Variants in FARP1 observed in about 807,000 individuals in gnomAD.
FARP1 encodes the protein FERM, ARH/RhoGEF and pleckstrin domain protein 1, also known as FERM, ARHGEF and pleckstrin domain-containing protein 1.
FARP1 carries 52 observed loss-of-function variants against 128.8 expected under a neutral mutation model. The observed-to-expected ratio is 0.40, with a 90% CI of 0.32 to 0.51. FARP1 has a LOEUF of 0.51. Among genes scored for constraint, FARP1 ranks in the 20% least tolerant of loss-of-function variants. The pLI is 0.45. For synonymous variants in FARP1, 580 were observed against 551.8 expected, an observed-to-expected ratio of 1.05 and a Z score of -0.72; for missense variants, 1,333 against 1,367.9, an observed-to-expected ratio of 0.97 and a Z score of 0.40.
At chr13:98,298,319 C>T (rs1202366678) in intron 2 of FARP1, among the ~76,000 whole-genome samples, 1 of 152,180 alleles carries the variant, frequency 6.6e-6, no homozygotes, top group African/African-American at 2.4e-5. Context: ...TACGTTCATT[C>T]GTGTCGCATA....
At chr13:98,347,451 A>G (rs1369283251) in intron 3 of FARP1, among the ~76,000 whole-genome samples, 1 of 152,062 alleles carries the variant, frequency 6.6e-6, no homozygotes, top group Non-Finnish European at 1.5e-5. Flanking sequence ...TCTGTTACTG[A>G]GTCTATCTAC....
intron 12 of FARP1, 78 bp from the exon 13 acceptor site, chr13:98,395,149 T>C: frequency 6.7e-7 from 1 of 1,492,678 alleles, no homozygotes; most frequent in Non-Finnish European, 9.0e-7. Flanking sequence ...TGCCTGGCTC[T>C]CCTTTTCTGT....
At chr13:98,158,841 G>A (rs1351394484) in intron 1 of FARP1, among the ~76,000 whole-genome samples, 7 of 152,214 alleles carry the variant, frequency 4.6e-5, no homozygotes, top group Middle Eastern at 6.8e-3. Context: ...TGTGTCTTCC[G>A]TCTGCGTCAT....
At chr13:98,389,897 T>G (rs753499424) in intron 9 of FARP1, 60 bp from the exon 10 acceptor site, 98 of 1,522,186 alleles carry the variant, frequency 6.4e-5, no homozygotes, top group Non-Finnish European at 8.6e-5. Flanking sequence ...CCTTTTCTCC[T>G]ATTTCAGTGG....
chr13:98,383,084 A>G (rs1889953703), intron 6 of FARP1, among the ~76,000 whole-genome samples: 2 of 152,196 alleles, frequency 1.3e-5, no homozygotes, highest in African/African-American at 4.8e-5. Context: ...CTCACCCCGT[A>G]TTTCCCCTAG....
In FARP1 at chr13:98,240,722, G is replaced by C. The variant is rs4772055; in HGVS notation, c.171+27309G>C. 2.0e-5 allele frequency among the ~76,000 whole-genome samples: 3 copies of C among 152,310 alleles called. No individual in the cohort carries two copies. The East Asian group carries it at 5.8e-4, about 29-fold the overall frequency. The stretch of plus-strand genomic sequence containing the variant: ...ATGAGAATTTCAGTGATTTCAACAC[G>C]AGATCACCATACTGACAAATAACAC... On this transcript the variant is annotated intron_variant, in intron 2 of 26. Transcript: ENST00000319562.
At chr13:98,278,662 T>C (rs9513391) in intron 2 of FARP1, among the ~76,000 whole-genome samples, 1 of 152,196 alleles carries the variant, frequency 6.6e-6, no homozygotes. Context: ...ACCTGCTAGC[T>C]GGGAAAATGG....
chr13:98,395,774 A>G, intron 13 of FARP1: 1 of 414,096 alleles, frequency 2.4e-6, no homozygotes, highest in Non-Finnish European at 4.2e-6. Context: ...ATCACCTTTG[A>G]TATGAGCGGG....
chr13:98,251,763 T>C (rs1013816430), intron 2 of FARP1, among the ~76,000 whole-genome samples: 1 of 152,110 alleles, frequency 6.6e-6, no homozygotes, highest in Non-Finnish European at 1.5e-5. Flanking sequence ...GCATCACCTG[T>C]TGGCATCACG....
chr13:98,257,425 C>T (rs925525845), intron 2 of FARP1, among the ~76,000 whole-genome samples: 5 of 151,664 alleles, frequency 3.3e-5, no homozygotes, highest in East Asian at 1.9e-4. Flanking sequence ...TCATTCTGTA[C>T]GCCCTTCTTT....
chr13:98,148,511 G>A (rs1049469435), intron 1 of FARP1, among the ~76,000 whole-genome samples: 5 of 152,102 alleles, frequency 3.3e-5, no homozygotes, highest in Non-Finnish European at 4.4e-5. Flanking sequence ...CTTAACCTGC[G>A]CCAAATTTGA....
intron 17 of FARP1, among the ~76,000 whole-genome samples, chr13:98,427,105 A>C (rs996078599): frequency 5.9e-5 from 9 of 152,000 alleles, no homozygotes; most frequent in African/African-American, 2.2e-4. Flanking sequence ...GGTGTTGACA[A>C]ATATATAATG....
At chr13:98,407,965 T>G (rs115362598) in intron 13 of FARP1, among the ~76,000 whole-genome samples, 6 of 151,998 alleles carry the variant, frequency 3.9e-5, no homozygotes, top group Non-Finnish European at 1.5e-5. Flanking sequence ...AAAATGGGGG[T>G]GCTCCTAGAA....
intron 24 of FARP1, among the ~76,000 whole-genome samples, chr13:98,441,455 C>T (rs772751001): frequency 1.3e-5 from 2 of 152,338 alleles, no homozygotes; most frequent in Middle Eastern, 3.4e-3. Context: ...AAGAACAGGG[C>T]GCCGTGGGGA....
At chr13:98,193,918 T>C (rs1380526565) in intron 1 of FARP1, among the ~76,000 whole-genome samples, 2 of 152,208 alleles carry the variant, frequency 1.3e-5, no homozygotes, top group Non-Finnish European at 1.5e-5. Flanking sequence ...CATAGTCTTT[T>C]AGCAGTATAT....
Position 98,395,350 on chromosome 13 carries a change from C to T in FARP1, c.1288C>T (p.Pro430Ser). Residue 430 changes from proline (P) to serine (S), a missense_variant, in exon 13 of 27, where the codon CCG becomes TCG. Pro to Ser is a moderately conservative substitution (Grantham distance 74). Around this residue, in one of 2 missense-constraint regions of FARP1, gnomAD observed 1,009 missense variants for 969.8 expected, o/e 1.04. Transcript: ENST00000319562. ...GEPGSHPSPA[P>S]RRSPAGNKQA... ...GCCGGGGTCGCACCCGAGCCCTGCG[C>T]CGAGGAGAAGCCCCGCGGGTAACAA... 6.2e-7 allele frequency: 1 copy of T among 1,611,720 alleles called. No individual in the cohort carries two copies. Among genetic ancestry groups the T allele is most frequent in the Admixed American group, 1.7e-5 (1 of 59,976 alleles).
At chr13:98,386,384 CATA>C (rs1251264413) in intron 8 of FARP1, among the ~76,000 whole-genome samples, 1 of 152,144 alleles carries the variant, frequency 6.6e-6, no homozygotes, top group Non-Finnish European at 1.5e-5. Context: ...TACTTAAAGA[CATA>C]ATGATTCTCT....
At chr13:98,429,557 C>T (rs990601439) in intron 17 of FARP1, among the ~76,000 whole-genome samples, 3 of 152,118 alleles carry the variant, frequency 2.0e-5, no homozygotes, top group Non-Finnish European at 2.9e-5. Flanking sequence ...GACTTGGGGA[C>T]GGGTTCATAC....
intron 24 of FARP1, among the ~76,000 whole-genome samples, chr13:98,443,898 GA>G (rs1288554735): frequency 6.6e-6 from 1 of 152,236 alleles, no homozygotes; most frequent in Non-Finnish European, 1.5e-5. Flanking sequence ...AAGGGACAGT[GA>G]GGCCAGGGAG....
Sources: allele counts gnomAD v4.1 joint callset (sites outside exome capture counted in the v4.1 genomes callset), GRCh38; gene constraint gnomAD v4.1.1; regional missense constraint gnomAD v4.1.1; transcripts MANE v1.5; gene names NCBI Gene and HGNC (gene_info 2026-07-23, HGNC 2026-07-21).